EIF1AX: variants seen among roughly 807,000 people sequenced by gnomAD.
The protein encoded by EIF1AX is eukaryotic translation initiation factor 1A, X-chromosomal.
A neutral mutation model predicts 16.1 loss-of-function variants in EIF1AX; 1 was observed. The observed-to-expected ratio is 0.06, with a 90% confidence interval of 0.02 to 0.30. The LOEUF (loss-of-function observed/expected upper bound fraction) is 0.30. Among genes scored for constraint, EIF1AX ranks in the 10% least tolerant of loss-of-function variants. The probability of loss-of-function intolerance (pLI) is 1.00; values close to 1 mark genes in which losing one functional copy is unlikely to be tolerated. For synonymous variants in EIF1AX, 32 were observed against 37.3 expected (o/e 0.86, Z 0.51); for missense variants, 11 against 109.1 (o/e 0.10, Z 4.00).
At chrX:20,141,542 G>C in intron 1 of EIF1AX, 83 bp downstream of exon 1, 4 of 1,086,490 alleles carry the variant, frequency 3.7e-6, no homozygotes, top group Non-Finnish European at 4.9e-6. Context: ...GGTCACTGCG[G>C]CCTGGGTGAC....
rs1007187939 is a variant in EIF1AX, at chrX:20,125,036, C to G, written c.*3270G>C. 13 of 144,039 alleles carry G rather than the reference C, an allele frequency of 9.0e-5. No homozygotes were observed. Among genetic ancestry groups the G allele is most frequent in the Admixed American group, 4.4e-4 (5 of 11,423 alleles). 11.9% of individuals were successfully genotyped at this position (144,039 alleles called of 1,213,427 possible). The stretch of plus-strand genomic sequence containing the variant: ...TAAACATCTAAATTATCAATCCTCC[C>G]AACAATTCTGCATGACAGGTACTGT... On this transcript the variant is annotated 3_prime_UTR_variant, in exon 7 of 7. Transcript: ENST00000379607.
chrX:20,132,413 TG>T, intron 4 of EIF1AX, 150 bp from the exon 5 acceptor site: 1 of 422,129 alleles, frequency 2.4e-6, no homozygotes, highest in East Asian at 4.0e-5. Context: ...TCATACCCTC[TG>T]AAAAAGATCC....
rs776203625 is a variant in EIF1AX at position 20,137,183 on chromosome X, G to A, written c.101-1342C>T. Among the ~76,000 whole-genome samples the A allele has an allele frequency of 3.6e-5, 4 of 112,019 alleles. No homozygotes were observed. In the South Asian group the frequency reaches 1.5e-3, roughly 41 times the overall value. ...TATGGGGCTAGGTGCGGTGGCTCAC[G>A]CCTGTAATCCCAGCACTTTCGGAGG... On this transcript the variant is annotated intron_variant, in intron 2 of 6. Transcript: ENST00000379607.
intron 1 of EIF1AX, among the ~76,000 whole-genome samples, chrX:20,141,246 G>A (rs1439480679): frequency 9.0e-6 from 1 of 111,521 alleles, no homozygotes; most frequent in Non-Finnish European, 1.9e-5. Context: ...ACGGCTTCCA[G>A]GGATTATAAC....
chrX:20,135,548 C>T (rs1393853313), intron 3 of EIF1AX, among the ~76,000 whole-genome samples, 190 bp downstream of exon 3: 1 of 111,980 alleles, frequency 8.9e-6, no homozygotes, highest in Admixed American at 9.5e-5. Context: ...GATACAAATG[C>T]TTCTTTAACA....
intron 1 of EIF1AX, 128 bp from the exon 2 acceptor site, chrX:20,138,750 AT>A: frequency 2.2e-6 from 1 of 453,589 alleles, no homozygotes; most frequent in Non-Finnish European, 3.7e-6. Context: ...AAATTCATCT[AT>A]TTTAGCTACA....
rs1165330855 is a variant in EIF1AX at position 20,126,881 on chromosome X, G to A, written c.*1425C>T. The A allele has an allele frequency of 6.8e-6, 1 of 146,892 alleles. No individual in the cohort carries two copies. Among genetic ancestry groups the A allele is most frequent in the East Asian group, 1.1e-4 (1 of 9,376 alleles). The allele number at this position is 146,892 out of a possible 1,213,427, so 12.1% of individuals were successfully genotyped here. ...TTTGGTGTACACTTAGGAAATTATA[G>A]TAAGAGTAGATTAGAGAAGATTTGC... On this transcript the variant is annotated 3_prime_UTR_variant, in exon 7 of 7. Transcript: ENST00000379607.
chrX:20,128,783 C>T (rs192132190), intron 6 of EIF1AX, among the ~76,000 whole-genome samples: 7 of 111,877 alleles, frequency 6.3e-5, no homozygotes, highest in African/African-American at 1.9e-4. Context: ...CATCCCTTTT[C>T]CAGCCAGCCA....
intron 4 of EIF1AX, among the ~76,000 whole-genome samples, chrX:20,133,315 G>A (rs1266845236): frequency 1.8e-5 from 2 of 110,660 alleles, no homozygotes; most frequent in Non-Finnish European, 3.8e-5. Flanking sequence ...ATTGTGAGGC[G>A]GACCATTCTC....
chrX:20,133,661 C>T (rs1009761998), intron 4 of EIF1AX, among the ~76,000 whole-genome samples: 1 of 111,305 alleles, frequency 9.0e-6, no homozygotes, highest in African/African-American at 3.3e-5. Flanking sequence ...CGAAAGGCAA[C>T]CACCACTTTC....
chrX:20,136,523 A>C (rs1369082407), intron 2 of EIF1AX: 3 of 137,771 alleles, frequency 2.2e-5, no homozygotes, highest in African/African-American at 3.1e-5. Flanking sequence ...CCTTTACCTC[A>C]GTACCTTTAG....
In EIF1AX at chrX:20,128,379, A is replaced by G. The variant is rs2066991601; in HGVS notation, c.430-68T>C. The G allele has an allele frequency of 5.1e-6, 5 of 978,917 alleles. No homozygotes were observed. In the Admixed American group the frequency reaches 1.1e-4, roughly 21 times the overall value. The allele number at this position is 978,917 out of a possible 1,213,427, so 80.7% of individuals were successfully genotyped here. On this transcript the variant is annotated intron_variant, in intron 6 of 6. Coordinates refer to ENST00000379607, the MANE Select transcript of EIF1AX (RefSeq NM_001412.4). ...TATATTCCAACAGTCTACTCCATAT[A>G]TAAGGGAGACTTTCACCTCCTTAGG...
In EIF1AX at chrX:20,132,307, A is replaced by G. The variant is rs2148607455; in HGVS notation, c.256-44T>C. On this transcript the variant is annotated intron_variant, in intron 4 of 6. Coordinates refer to ENST00000379607, the MANE Select transcript of EIF1AX (RefSeq NM_001412.4). ...ACTTTAAAAAACTGATCATAACAAAATATTATCAGTTATTTCATAAATTCT... is the reference window on the plus strand; with the variant it reads ...ACTTTAAAAAACTGATCATAACAAAGTATTATCAGTTATTTCATAAATTCT... 4.8e-6 allele frequency: 4 copies of G among 830,299 alleles called. No homozygotes were observed. In the East Asian group the frequency reaches 1.3e-4, roughly 27 times the overall value. 68.4% of individuals were successfully genotyped at this position (830,299 alleles called of 1,213,427 possible).
At chrX:20,139,784 A>C (rs1042692010) in intron 1 of EIF1AX, among the ~76,000 whole-genome samples, 2 of 111,604 alleles carry the variant, frequency 1.8e-5, no homozygotes, top group Non-Finnish European at 3.8e-5. Context: ...TAAACACCAA[A>C]CTCAGCCTGG....
At chrX:20,136,897 T>C (rs1243003324) in intron 2 of EIF1AX, among the ~76,000 whole-genome samples, 4 of 111,698 alleles carry the variant, frequency 3.6e-5, no homozygotes, top group African/African-American at 1.3e-4. Context: ...AGAAAACGTA[T>C]CTCATGTTTA....
At chrX:20,129,472 G>C (rs4573469) in intron 6 of EIF1AX, among the ~76,000 whole-genome samples, 2 of 111,865 alleles carry the variant, frequency 1.8e-5, no homozygotes, top group Admixed American at 1.9e-4. Flanking sequence ...TTAGTTAAAA[G>C]AGGTTTGAAA....
chrX:20,138,238 C>A (rs750675123), intron 2 of EIF1AX, among the ~76,000 whole-genome samples: 16 of 109,224 alleles, frequency 1.5e-4, no homozygotes, highest in African/African-American at 5.3e-4. Context: ...CTCCTGACCT[C>A]GTGATCCGCC....
At chrX:20,138,273 G>C (rs2067023947) in intron 2 of EIF1AX, among the ~76,000 whole-genome samples, 1 of 109,757 alleles carries the variant, frequency 9.1e-6, no homozygotes, top group Non-Finnish European at 1.9e-5. Context: ...AAAGTGCTGG[G>C]ATTACAGACG....
At chrX:20,132,108 T>C in intron 5 of EIF1AX, 74 bp downstream of exon 5, 2 of 825,694 alleles carry the variant, frequency 2.4e-6, no homozygotes, top group Admixed American at 2.9e-5. Flanking sequence ...GCAAAATCCA[T>C]AGTTCCTTCA....
Sources: gnomAD v4.1 joint callset for allele counts (sites outside exome capture counted in the v4.1 genomes callset) on GRCh38, gnomAD v4.1.1 for gene constraint, MANE v1.5 for transcripts, NCBI Gene and HGNC (gene_info 2026-07-23, HGNC 2026-07-21) for gene names.